Variants in GNAI3 observed in about 807,000 individuals in gnomAD.
GNAI3 encodes the protein guanine nucleotide-binding protein G(i) subunit alpha-3.
Under a neutral mutation model 41.8 loss-of-function variants are expected in GNAI3, and 12 were observed. That is an observed-to-expected ratio of 0.29 (90% CI 0.18 to 0.47). The LOEUF (loss-of-function observed/expected upper bound fraction) is 0.47, where lower values mean the gene tolerates loss of function less well. Ranked by LOEUF, GNAI3 falls within the 20% of genes least tolerant of loss-of-function variation. The pLI is 1.00. For missense variants in GNAI3, 360 were observed against 429.6 expected, an observed-to-expected ratio of 0.84 and a Z score of 1.43; for synonymous variants, 132 against 146.5, an observed-to-expected ratio of 0.90 and a Z score of 0.71.
At chr1:109,568,218 C>T (rs1409101284) in intron 1 of GNAI3, among the ~76,000 whole-genome samples, 6 of 152,022 alleles carry the variant, frequency 3.9e-5, no homozygotes, top group Admixed American at 3.3e-4. Context: ...GGTACCTGCT[C>T]AGAGATCTTT....
intron 1 of GNAI3, among the ~76,000 whole-genome samples, chr1:109,555,510 GA>G (rs1286921598): frequency 1.3e-5 from 2 of 152,132 alleles, no homozygotes; most frequent in African/African-American, 4.8e-5. Flanking sequence ...TTTGCAGTCT[GA>G]AAATACGGCC....
Position 109,548,644 on chromosome 1 carries a change from C to T in GNAI3, c.-77C>T, listed in dbSNP as rs547840504. The T allele has an allele frequency of 1.1e-4, 103 of 968,246 alleles. No individual in the cohort carries two copies. In the Middle Eastern group the frequency reaches 1.2e-3, roughly 11 times the overall value. 60.0% of individuals were successfully genotyped at this position (968,246 alleles called of 1,614,324 possible). On this transcript the variant is annotated 5_prime_UTR_variant, in exon 1 of 9. The change creates a new upstream start codon in the 5' untranslated region. Transcript: ENST00000369851. Reference sequence around the variant, plus strand: ...GAGAGGGCCACCGCCCAGCAATAGACGGTGCCTCAGCCTGCCGAGCCGCAG... The same window carrying T: ...GAGAGGGCCACCGCCCAGCAATAGATGGTGCCTCAGCCTGCCGAGCCGCAG...
At position 109,592,457 on chromosome 1, in the gene GNAI3, A is replaced by C; in HGVS notation, c.*135A>C. 1 of 387,424 alleles carries C rather than the reference A, an allele frequency of 2.6e-6. No homozygotes were observed. The allele number at this position is 387,424 out of a possible 1,614,324, so 24.0% of individuals were successfully genotyped here. A position where few individuals can be genotyped will look rare whatever the true frequency, so the allele number is the denominator to read the frequency against. Reference sequence around the variant, plus strand: ...AGCATGCAGAATCTTAGCACTCTTTAGCACAATATTTTGTATTAGGGAACT... The same window carrying C: ...AGCATGCAGAATCTTAGCACTCTTTCGCACAATATTTTGTATTAGGGAACT... On this transcript the variant is annotated 3_prime_UTR_variant, in exon 9 of 9. Coordinates refer to ENST00000369851, the MANE Select transcript of GNAI3 (RefSeq NM_006496.4).
rs774246808 is a variant in GNAI3, at chr1:109,586,212, G to A, written c.591-4G>A. 8.1e-6 allele frequency: 13 copies of A among 1,612,412 alleles called. No individual in the cohort carries two copies. The highest frequency in any genetic ancestry group is 4.5e-5 in the East Asian group (2 of 44,830). The stretch of plus-strand genomic sequence containing the variant: ...CTGAATTTGCTTTCTTTCCCCTTGC[G>A]CAGGATGTTTGATGTAGGTGGCCAA... On this transcript the variant is annotated splice_polypyrimidine_tract_variant and splice_region_variant and intron_variant, in intron 5 of 8. Coordinates refer to ENST00000369851, the MANE Select transcript of GNAI3 (RefSeq NM_006496.4).
intron 3 of GNAI3, among the ~76,000 whole-genome samples, chr1:109,578,331 A>C (rs1450825265): frequency 2.0e-5 from 3 of 151,984 alleles, no homozygotes; most frequent in Admixed American, 6.6e-5. Context: ...TTAGCTGGGC[A>C]TGGTGGCAGA....
intron 4 of GNAI3, 61 bp from the exon 5 acceptor site, chr1:109,582,376 G>T: frequency 7.3e-7 from 1 of 1,378,162 alleles, no homozygotes; most frequent in Non-Finnish European, 1.0e-6. Context: ...AATTTAGTCT[G>T]TTCATTTGCT....
Position 109,594,553 on chromosome 1 carries a change from G to T in GNAI3, c.*2231G>T, listed in dbSNP as rs1485432877. On this transcript the variant is annotated 3_prime_UTR_variant, in exon 9 of 9. Transcript: ENST00000369851. Reference sequence around the variant, plus strand: ...TGCACATTCCTTGAGGACACAGGGAGACAATTTAAGTCAGTAGTTTTTAAT... The same window carrying T: ...TGCACATTCCTTGAGGACACAGGGATACAATTTAAGTCAGTAGTTTTTAAT... 2.0e-5 allele frequency: 3 copies of T among 151,738 alleles called. No homozygotes were observed. The allele number at this position is 151,738 out of a possible 1,614,324, so 9.4% of individuals were successfully genotyped here. A position where few individuals can be genotyped will look rare whatever the true frequency, so the allele number is the denominator to read the frequency against.
chr1:109,575,383 A>G (rs1043619920), intron 3 of GNAI3, among the ~76,000 whole-genome samples: 1 of 151,714 alleles, frequency 6.6e-6, no homozygotes, highest in East Asian at 1.9e-4. Flanking sequence ...GTAACTGGTC[A>G]GTAGTACTGT....
chr1:109,551,547 C>T (rs1647982758), intron 1 of GNAI3, among the ~76,000 whole-genome samples: 1 of 152,114 alleles, frequency 6.6e-6, no homozygotes, highest in Non-Finnish European at 1.5e-5. Flanking sequence ...AATCCTAATT[C>T]CCATTTACTA....
At chr1:109,581,052 A>T (rs896965537) in intron 4 of GNAI3, among the ~76,000 whole-genome samples, 1 of 152,040 alleles carries the variant, frequency 6.6e-6, no homozygotes, top group African/African-American at 2.4e-5. Flanking sequence ...CTCTAACTAC[A>T]TGTGCTTATA....
At chr1:109,562,098 A>G (rs1648326321) in intron 1 of GNAI3, among the ~76,000 whole-genome samples, 1 of 152,170 alleles carries the variant, frequency 6.6e-6, no homozygotes, top group Non-Finnish European at 1.5e-5. Flanking sequence ...ATGTATGTGT[A>G]TATATGAATA....
chr1:109,586,363 G>A lies in GNAI3; in HGVS notation c.720+18G>A. On this transcript the variant is annotated intron_variant, in intron 6 of 8. Transcript: ENST00000369851. ...AGGAGATGGTATGTTGGAGCTTCTG[G>A]TAAAAAGCCTGTCTAATGTAGCCAG... The A allele has an allele frequency of 6.2e-7, 1 of 1,603,964 alleles. No individual in the cohort carries two copies. The highest frequency in any genetic ancestry group is 1.7e-4 in the Middle Eastern group (1 of 6,014).
At chr1:109,573,243 A>G (rs996478341) in intron 1 of GNAI3, among the ~76,000 whole-genome samples, 5 of 152,214 alleles carry the variant, frequency 3.3e-5, no homozygotes, top group African/African-American at 1.2e-4. Flanking sequence ...ACATATGGTG[A>G]GAAATTGATA....
intron 1 of GNAI3, among the ~76,000 whole-genome samples, chr1:109,567,361 T>C (rs1281241081): frequency 2.0e-5 from 3 of 152,208 alleles, no homozygotes; most frequent in Admixed American, 6.5e-5. Context: ...GAATAACTGC[T>C]ATCTCAGGTG....
At chr1:109,564,345 G>GTT (rs141860969) in intron 1 of GNAI3, among the ~76,000 whole-genome samples, 179 of 149,572 alleles carry the variant, frequency 1.2e-3, no homozygotes, top group African/African-American at 4.2e-3. Flanking sequence ...CCATCCGTTT[G>GTT]TTTTTTTTTG....
intron 4 of GNAI3, among the ~76,000 whole-genome samples, chr1:109,581,380 C>T (rs1469139882): frequency 2.0e-5 from 3 of 151,912 alleles, no homozygotes; most frequent in East Asian, 3.9e-4. Flanking sequence ...GTTAATCAAA[C>T]ACCATTCTCT....
chr1:109,568,758 A>G (rs918394819), intron 1 of GNAI3, among the ~76,000 whole-genome samples: 2 of 152,134 alleles, frequency 1.3e-5, no homozygotes, highest in African/African-American at 4.8e-5. Flanking sequence ...GTTGTAACTC[A>G]CTGCAACCTT....
chr1:109,564,952 C>T (rs1386214309), intron 1 of GNAI3, among the ~76,000 whole-genome samples: 1 of 152,116 alleles, frequency 6.6e-6, no homozygotes, highest in Non-Finnish European at 1.5e-5. Context: ...AACTCACTGC[C>T]TTCTTTTATC....
At position 109,595,988 on chromosome 1, in the gene GNAI3, T is replaced by C. The variant is rs1021569604; in HGVS notation, c.*3666T>C. The C allele has an allele frequency of 1.3e-5, 2 of 152,234 alleles. No individual in the cohort carries two copies. The highest frequency in any genetic ancestry group is 4.8e-5 in the African/African-American group (2 of 41,464). The allele number at this position is 152,234 out of a possible 1,614,324, so 9.4% of individuals were successfully genotyped here. A position where few individuals can be genotyped will look rare whatever the true frequency, so the allele number is the denominator to read the frequency against. ...TTGCCAGTGCCAGGTAATTATTGTG[T>C]TCTACTTTAGGCTTCGTAGTGCAAA... On this transcript the variant is annotated 3_prime_UTR_variant, in exon 9 of 9. Transcript: ENST00000369851.
Sources: allele counts gnomAD v4.1 joint callset (sites outside exome capture counted in the v4.1 genomes callset), GRCh38; gene constraint gnomAD v4.1.1; transcripts MANE v1.5; gene names NCBI Gene and HGNC (gene_info 2026-07-23, HGNC 2026-07-21).